The following DMD variants were observed in gnomAD, a reference collection of about 807,000 sequenced individuals.
The protein encoded by DMD is mutant dystrophin.
In DMD, 63 loss-of-function variants were observed where a neutral mutation model predicts 330.1. That is an observed-to-expected ratio of 0.19 (90% CI 0.16 to 0.24). The LOEUF is 0.24. Ranked by LOEUF, DMD falls within the 10% of genes least tolerant of loss-of-function variation. DMD has a pLI of 1.00. For missense variants in DMD, 3,344 were observed against 2,684.1 expected (o/e 1.25, Z -5.43); for synonymous variants, 1,223 against 959.8 (o/e 1.27, Z -5.07).
intron 44 of DMD, among the ~76,000 whole-genome samples, chrX:32,160,115 C>A (rs899177185): frequency 6.3e-5 from 7 of 111,502 alleles, no homozygotes; most frequent in Non-Finnish European, 1.1e-4. Context: ...AAGCATTGAC[C>A]TTAGAGCTGG....
intron 2 of DMD, among the ~76,000 whole-genome samples, chrX:32,884,496 T>G (rs1463684046): frequency 8.9e-6 from 1 of 111,970 alleles, no homozygotes; most frequent in African/African-American, 3.3e-5. Context: ...AGGCAATATT[T>G]GTCAATATTT....
At chrX:32,085,413 CATTA>C (rs1169561307) in intron 44 of DMD, among the ~76,000 whole-genome samples, 1 of 108,686 alleles carries the variant, frequency 9.2e-6, no homozygotes, top group Non-Finnish European at 1.9e-5. Flanking sequence ...ACATTGTAGC[CATTA>C]ATTTATCACT....
At chrX:32,689,857 TA>T (rs754724343) in intron 9 of DMD, among the ~76,000 whole-genome samples, 4 of 109,969 alleles carry the variant, frequency 3.6e-5, no homozygotes, top group East Asian at 2.9e-4. Context: ...TTTCACTATT[TA>T]AAAAAAACCA....
chrX:32,471,372 T>G (rs185953253), intron 22 of DMD, among the ~76,000 whole-genome samples: 1 of 112,195 alleles, frequency 8.9e-6, no homozygotes, highest in Non-Finnish European at 1.9e-5. Flanking sequence ...TAGAAGGATG[T>G]TAAAAAAATG....
rs780924717 is a variant in DMD at position 32,697,920 on chromosome X, C to G, written c.910G>C (p.Ala304Pro). 3 of 1,208,827 alleles carry G rather than the reference C, an allele frequency of 2.5e-6. No individual in the cohort carries two copies. Among genetic ancestry groups the G allele is most frequent in the Admixed American group, 2.2e-5 (1 of 45,659 alleles). Reference sequence around the variant, plus strand: ...GGGTCAGAGGTGGTGACATAAGCAGCCTGTGTGTAGGCATAGCTCTTGAAT... The same window carrying G: ...GGGTCAGAGGTGGTGACATAAGCAGGCTGTGTGTAGGCATAGCTCTTGAAT... ...PRFKSYAYTQ[A>P]AYVTTSDPTR... is the part of the protein sequence containing the mutation. Residue 304 changes from alanine (A) to proline (P), a missense_variant, in exon 9 of 79, where the codon GCT becomes CCT. Ala to Pro is a conservative substitution (Grantham distance 27). Coordinates refer to ENST00000357033, the MANE Select transcript of DMD (RefSeq NM_004006.3).
chrX:32,296,158 G>A (rs188913111), intron 42 of DMD, among the ~76,000 whole-genome samples: 3 of 111,482 alleles, frequency 2.7e-5, no homozygotes, highest in Non-Finnish European at 5.7e-5. Flanking sequence ...TTGGGAGGCC[G>A]AGGTAGGTGG....
intron 53 of DMD, among the ~76,000 whole-genome samples, chrX:31,659,122 A>G (rs967405354): frequency 8.9e-6 from 1 of 111,881 alleles, no homozygotes; most frequent in Non-Finnish European, 1.9e-5. Context: ...ATTAACAAAA[A>G]ATAAAATCCA....
intron 44 of DMD, among the ~76,000 whole-genome samples, chrX:32,052,338 A>G (rs1238738936): frequency 1.8e-5 from 2 of 111,036 alleles, no homozygotes; most frequent in Non-Finnish European, 3.8e-5. Flanking sequence ...ATCTTAACAC[A>G]TGGATGAAAC....
At chrX:32,786,824 C>T (rs2075396241) in intron 7 of DMD, among the ~76,000 whole-genome samples, 2 of 111,834 alleles carry the variant, frequency 1.8e-5, no homozygotes, top group Admixed American at 1.9e-4. Flanking sequence ...TTTACATAAA[C>T]TCTTCAGTTG....
At chrX:31,947,452 T>G (rs1441062694) in intron 45 of DMD, among the ~76,000 whole-genome samples, 4 of 111,767 alleles carry the variant, frequency 3.6e-5, no homozygotes, top group Non-Finnish European at 7.5e-5. Flanking sequence ...AACAGCTTTA[T>G]TAAGTATTTA....
intron 1 of DMD, among the ~76,000 whole-genome samples, chrX:33,127,142 T>G (rs929421373): frequency 1.2e-4 from 13 of 110,348 alleles, no homozygotes; most frequent in Non-Finnish European, 2.1e-4. Context: ...TTTAATGCGG[T>G]GTACTTTATC....
chrX:32,842,138 G>A (rs1361209578), intron 4 of DMD, among the ~76,000 whole-genome samples: 1 of 111,938 alleles, frequency 8.9e-6, no homozygotes, highest in East Asian at 2.8e-4. Context: ...AGCAGGCAAG[G>A]GAGCCCCATT....
intron 7 of DMD, among the ~76,000 whole-genome samples, chrX:32,767,912 A>G (rs962352793): frequency 3.6e-5 from 4 of 111,510 alleles, no homozygotes; most frequent in Non-Finnish European, 7.5e-5. Context: ...GGTGCAATAC[A>G]CCATGCTAAA....
rs746947345 is a variant in DMD, at chrX:32,750,783, C to T, written c.650-51490G>A. On this transcript the variant is annotated intron_variant, in intron 7 of 78. Transcript: ENST00000357033. ...CCTACTGATATGGTTTGGCTGTGCC[C>T]TCACCCAAATATCATCATGAATTCC... 4.6e-4 allele frequency among the ~76,000 whole-genome samples: 51 copies of T among 111,770 alleles called. No individual in the cohort carries two copies. In the Admixed American group the frequency reaches 4.7e-3, roughly 10 times the overall value.
intron 7 of DMD, among the ~76,000 whole-genome samples, chrX:32,713,452 C>T (rs1277289065): frequency 9.0e-6 from 1 of 111,285 alleles, no homozygotes; most frequent in Non-Finnish European, 1.9e-5. Context: ...TCCAGAGCTG[C>T]ATAATGTAGT....
Position 32,616,854 on chromosome X carries a change from T to G in DMD, c.1332-2401A>C, listed in dbSNP as rs749499197. On this transcript the variant is annotated intron_variant, in intron 11 of 78. Coordinates refer to ENST00000357033, the MANE Select transcript of DMD (RefSeq NM_004006.3). ...GTGTACTCACCCATAAATACTTCTA[T>G]ATATAATTATCTCATCTGTATTAAC... 4.6e-5 allele frequency among the ~76,000 whole-genome samples: 5 copies of G among 108,826 alleles called. No homozygotes were observed. The South Asian group carries it at 2.0e-3, about 44-fold the overall frequency. The allele number at this position is 108,826 out of a possible 115,157, so 94.5% of individuals were successfully genotyped here.
intron 1 of DMD, among the ~76,000 whole-genome samples, chrX:33,267,958 C>T (rs1161057377): frequency 9.1e-6 from 1 of 109,793 alleles, no homozygotes; most frequent in Non-Finnish European, 1.9e-5. Flanking sequence ...TAGAAACAAA[C>T]CTAGGAAATG....
intron 30 of DMD, among the ~76,000 whole-genome samples, chrX:32,396,303 C>T (rs1396556413): frequency 1.8e-5 from 2 of 110,561 alleles, no homozygotes; most frequent in Non-Finnish European, 1.9e-5. Flanking sequence ...TTAGAAAGGT[C>T]GCCACCACTA....
intron 1 of DMD, among the ~76,000 whole-genome samples, chrX:33,177,719 A>G (rs1481741489): frequency 8.9e-6 from 1 of 111,821 alleles, no homozygotes; most frequent in African/African-American, 3.3e-5. Flanking sequence ...AAGACAACAT[A>G]AGATCTACTC....
Sources: gnomAD v4.1 joint callset for allele counts (sites outside exome capture counted in the v4.1 genomes callset) on GRCh38, gnomAD v4.1.1 for gene constraint, MANE v1.5 for transcripts, NCBI Gene and HGNC (gene_info 2026-07-23, HGNC 2026-07-21) for gene names.